Variants in MCF2L observed in about 807,000 individuals in gnomAD.
MCF2L encodes MCF.2 cell line derived transforming sequence like, also known as guanine nucleotide exchange factor DBS.
Under a neutral mutation model 153.4 loss-of-function variants are expected in MCF2L, and 97 were observed. The observed-to-expected ratio is 0.63, with a 90% CI of 0.54 to 0.75. MCF2L has a LOEUF of 0.75. Among genes scored for constraint, MCF2L ranks in the 30% least tolerant of loss-of-function variants. The pLI is 0.00. For missense variants in MCF2L, 1,347 were observed against 1,495.2 expected (o/e 0.90, Z 1.64); for synonymous variants, 659 against 632.2 (o/e 1.04, Z -0.64).
rs2082990586 is a variant in MCF2L at position 112,993,745 on chromosome 13, C to T, written c.80-21018C>T. ...AGAGGGAGAGGTTAGGTGATCCCAT[C>T]CCATTTTAGCACCAGAAGTGGCTGT... is the stretch of plus-strand genomic sequence containing the variant. On this transcript the variant is annotated intron_variant, in intron 1 of 29. Transcript: ENST00000535094. This position sits in a 1 kb window ranked among gnomAD's most constrained non-coding sequence, Gnocchi z 4.6. 6.6e-6 allele frequency among the ~76,000 whole-genome samples: 1 copy of T among 152,092 alleles called. No homozygotes were observed. Among genetic ancestry groups the T allele is most frequent in the South Asian group, 2.1e-4 (1 of 4,812 alleles).
chr13:112,931,452 A>G (rs912224772), intron 2 of MCF2L, among the ~76,000 whole-genome samples: 16 of 152,290 alleles, frequency 1.1e-4, no homozygotes, highest in Admixed American at 9.1e-4. Context: ...CTGTTCCAGG[A>G]GAGGCTACAC....
chr13:113,081,443 G>A (rs2034128678), intron 16 of MCF2L, among the ~76,000 whole-genome samples, 164 bp downstream of exon 16: 1 of 152,264 alleles, frequency 6.6e-6, no homozygotes, highest in Non-Finnish European at 1.5e-5. Context: ...GAGCCCCTGG[G>A]GGCCTATCAA....
intron 2 of MCF2L, among the ~76,000 whole-genome samples, chr13:112,959,579 G>C (rs533298266): frequency 6.6e-6 from 1 of 152,200 alleles, no homozygotes; most frequent in South Asian, 2.1e-4. Context: ...GTCCATGGCT[G>C]TCTAGGTCTG....
Position 112,926,414 on chromosome 13 carries a change from G to A in MCF2L, c.169+24043G>A, listed in dbSNP as rs115448342. 5.2e-3 allele frequency among the ~76,000 whole-genome samples: 793 copies of A among 151,928 alleles called. 7 individuals carry two copies. The highest frequency in any genetic ancestry group is 0.018 in the African/African-American group (744 of 41,408). On this transcript the variant is annotated intron_variant, in intron 2 of 29. Coordinates refer to the MCF2L transcript ENST00000375608. ...GTACGGCCTGGTCTACATATACAGC[G>A]GAGTGCAGTACGGCCTGGTTTCTAT...
chr13:113,021,318 A>C (rs547943337), intron 2 of MCF2L, among the ~76,000 whole-genome samples: 3 of 152,236 alleles, frequency 2.0e-5, no homozygotes, highest in South Asian at 4.2e-4. Context: ...CTGAGTGTGT[A>C]TCTCACACTA....
chr13:113,004,105 C>T (rs897549524), intron 1 of MCF2L, among the ~76,000 whole-genome samples: 1 of 152,224 alleles, frequency 6.6e-6, no homozygotes, highest in Non-Finnish European at 1.5e-5. Flanking sequence ...TGGCCCTTCC[C>T]TCGTGGCTGG....
upstream of MCF2L, among the ~76,000 whole-genome samples, chr13:112,967,225 T>A (rs1197346501): frequency 2.0e-5 from 3 of 152,082 alleles, no homozygotes; most frequent in Admixed American, 2.0e-4. Flanking sequence ...TTCCCTGAAC[T>A]GACAGGGAAT....
intron 1 of MCF2L, among the ~76,000 whole-genome samples, chr13:112,982,562 G>A (rs564703189): frequency 2.6e-5 from 4 of 152,296 alleles, no homozygotes; most frequent in South Asian, 2.1e-4. Flanking sequence ...GAGGGTGTGC[G>A]CCACGGAAGG....
chr13:113,016,115 G>T (rs1482843356), intron 2 of MCF2L, among the ~76,000 whole-genome samples: 2 of 152,178 alleles, frequency 1.3e-5, no homozygotes, highest in Non-Finnish European at 2.9e-5. Flanking sequence ...ACCTTTTCTC[G>T]ATCGTTCCTC....
intron 2 of MCF2L, among the ~76,000 whole-genome samples, chr13:112,918,439 G>A (rs189083288): frequency 1.5e-4 from 23 of 152,328 alleles, no homozygotes; most frequent in African/African-American, 4.8e-4. Context: ...CCCACACCTC[G>A]GCAAGTTGAG....
rs571990580 is a variant in MCF2L at position 113,046,233 on chromosome 13, A to G, written c.369+872A>G. 1.8e-5 allele frequency: 4 copies of G among 225,424 alleles called. No homozygotes were observed. The highest frequency in any genetic ancestry group is 9.3e-5 in the African/African-American group (4 of 42,998). 14.0% of individuals were successfully genotyped at this position (225,424 alleles called of 1,614,324 possible). ...GCTCGCTCTCCCCGCCTGTCCGTCCAAATTTCATTGCTGCCAAAGGACCAA... is the reference window on the plus strand; with the variant it reads ...GCTCGCTCTCCCCGCCTGTCCGTCCGAATTTCATTGCTGCCAAAGGACCAA... On this transcript the variant is annotated intron_variant, in intron 4 of 29. Transcript: ENST00000535094. The surrounding 1 kb of genome is among the most constrained non-coding windows in gnomAD (Gnocchi z 4.4).
chr13:112,926,143 G>A (rs941182173), intron 2 of MCF2L, among the ~76,000 whole-genome samples: 2 of 152,186 alleles, frequency 1.3e-5, no homozygotes, highest in Non-Finnish European at 2.9e-5. Context: ...TGGTCTGTTT[G>A]CACAGCGGAG....
intron 1 of MCF2L, among the ~76,000 whole-genome samples, chr13:112,901,455 T>C (rs1377965785): frequency 6.6e-6 from 1 of 152,172 alleles, no homozygotes; most frequent in Non-Finnish European, 1.5e-5. Context: ...TACGGTTTAT[T>C]TAAGTAAACT....
chr13:113,032,390 C>T (rs1343861627), intron 3 of MCF2L, among the ~76,000 whole-genome samples: 6 of 152,236 alleles, frequency 3.9e-5, no homozygotes, highest in African/African-American at 1.4e-4. Flanking sequence ...CACTTCACCT[C>T]CTGCTTCCCT....
At chr13:113,096,186 C>A in intron 27 of MCF2L, 185 bp from the exon 28 acceptor site, 3 of 605,892 alleles carry the variant, frequency 5.0e-6, no homozygotes, top group Non-Finnish European at 8.8e-6. Flanking sequence ...CTTCCATCGC[C>A]GCTGCGGTAG....
Position 113,054,331 on chromosome 13 carries a change from C to G in MCF2L, c.370-6262C>G, listed in dbSNP as rs527971908. ...TCTAGAGGACCATTTGCTAGAGGACCAGTCCCCAAACGGCCGCGCTTTTAG... is the reference window on the plus strand; with the variant it reads ...TCTAGAGGACCATTTGCTAGAGGACGAGTCCCCAAACGGCCGCGCTTTTAG... On this transcript the variant is annotated intron_variant, in intron 4 of 29. Transcript: ENST00000535094. The surrounding 1 kb of genome is among the most constrained non-coding windows in gnomAD (Gnocchi z 5.2). 1.2e-5 allele frequency: 2 copies of G among 167,820 alleles called. No individual in the cohort carries two copies. The highest frequency in any genetic ancestry group is 4.8e-5 in the African/African-American group (2 of 41,518). The allele number at this position is 167,820 out of a possible 1,614,324, so 10.4% of individuals were successfully genotyped here. A position where few individuals can be genotyped will look rare whatever the true frequency, so the allele number is the denominator to read the frequency against.
At chr13:113,083,628 G>A (rs1325052703) in intron 17 of MCF2L, among the ~76,000 whole-genome samples, 1 of 152,238 alleles carries the variant, frequency 6.6e-6, no homozygotes, top group Non-Finnish European at 1.5e-5. Context: ...GGCTCAGGGT[G>A]TGTCTGCAGA....
chr13:113,081,060 C>T (rs1038406743), intron 15 of MCF2L, among the ~76,000 whole-genome samples, 153 bp from the exon 16 acceptor site: 4 of 152,314 alleles, frequency 2.6e-5, no homozygotes, highest in South Asian at 2.1e-4. Flanking sequence ...AGGGGAACCC[C>T]GAGGAGCGTC....
chr13:112,915,435 A>T (rs2081282596), intron 2 of MCF2L, among the ~76,000 whole-genome samples: 1 of 139,680 alleles, frequency 7.2e-6, no homozygotes, highest in African/African-American at 2.6e-5. Flanking sequence ...ATCCATCCTC[A>T]CTACACGCAT....
Sources: gnomAD v4.1 joint callset for allele counts (sites outside exome capture counted in the v4.1 genomes callset) on GRCh38, gnomAD v4.1.1 for gene constraint, Gnocchi (gnomAD v3.1) non-coding constraint, MANE v1.5 for transcripts, NCBI Gene and HGNC (gene_info 2026-07-23, HGNC 2026-07-21) for gene names.